The following CACNA1E variants were observed in gnomAD, a reference collection of about 807,000 sequenced individuals.
CACNA1E encodes calcium voltage-gated channel subunit alpha1 E.
A neutral mutation model predicts 259.2 loss-of-function variants in CACNA1E; 40 were observed. The observed-to-expected ratio is 0.15, with a 90% CI of 0.12 to 0.20. CACNA1E has a LOEUF of 0.20. Ranked by LOEUF, CACNA1E falls within the 10% of genes least tolerant of loss-of-function variation. The probability of loss-of-function intolerance (pLI) is 1.00; values close to 1 mark genes in which losing one functional copy is unlikely to be tolerated. For missense variants in CACNA1E, 1,874 were observed against 3,040.1 expected, an observed-to-expected ratio of 0.62 and a Z score of 9.02; for synonymous variants, 1,104 against 1,138.5, an observed-to-expected ratio of 0.97 and a Z score of 0.61.
intron 7 of CACNA1E, among the ~76,000 whole-genome samples, chr1:181,661,709 T>C (rs1421840286): frequency 6.6e-6 from 1 of 152,198 alleles, no homozygotes; most frequent in Non-Finnish European, 1.5e-5. Flanking sequence ...TCAAGCATTG[T>C]GCCAATCACA....
At position 181,437,276 on chromosome 1, in the gene CACNA1E, A is replaced by C. The variant is rs534629573; in HGVS notation, c.434+23696A>C. 2.6e-5 allele frequency among the ~76,000 whole-genome samples: 4 copies of C among 152,032 alleles called. No homozygotes were observed. In the South Asian group the frequency reaches 8.3e-4, roughly 32 times the overall value. On this transcript the variant is annotated intron_variant, in intron 2 of 11. Coordinates refer to the CACNA1E transcript ENST00000524607. ...ATTTTCCACATTTGCTCTTGATCTCATTCTTTCTTTTTTCTGTGCTATAAA... is the reference window on the plus strand; with the variant it reads ...ATTTTCCACATTTGCTCTTGATCTCCTTCTTTCTTTTTTCTGTGCTATAAA...
intron 1 of CACNA1E, among the ~76,000 whole-genome samples, chr1:181,352,301 G>A (rs1483749161): frequency 6.6e-6 from 1 of 152,096 alleles, no homozygotes; most frequent in Admixed American, 6.6e-5. Flanking sequence ...GGGAAATGAC[G>A]GCATCCAAGT....
intron 3 of CACNA1E, among the ~76,000 whole-genome samples, chr1:181,539,197 C>T (rs892479553): frequency 3.3e-5 from 5 of 152,160 alleles, no homozygotes; most frequent in African/African-American, 1.2e-4. Flanking sequence ...TTCCGTTACT[C>T]GTTGACTAGG....
At chr1:181,468,639 G>A (rs1662300949) in intron 2 of CACNA1E, among the ~76,000 whole-genome samples, 1 of 152,208 alleles carries the variant, frequency 6.6e-6, no homozygotes, top group South Asian at 2.1e-4. Flanking sequence ...CACAGTATCT[G>A]AGGCAGGGTG....
rs989841242 is a variant in CACNA1E at position 181,801,405 on chromosome 1, A to C, written c.*2571A>C. On this transcript the variant is annotated 3_prime_UTR_variant, in exon 48 of 48. Transcript: ENST00000367573. The stretch of plus-strand genomic sequence containing the variant: ...ACACAGGTATTTGAGTCCTGAATAA[A>C]GTGTTGGAAAGCACTGCAGATGCGG... 1 of 152,200 alleles carries C rather than the reference A, an allele frequency of 6.6e-6. No homozygotes were observed. The highest frequency in any genetic ancestry group is 2.1e-4 in the South Asian group (1 of 4,828). 9.4% of individuals were successfully genotyped at this position (152,200 alleles called of 1,614,324 possible).
chr1:181,719,559 G>A (rs550155700), intron 12 of CACNA1E, among the ~76,000 whole-genome samples, 192 bp from the exon 13 acceptor site: 1 of 152,306 alleles, frequency 6.6e-6, no homozygotes, highest in Non-Finnish European at 1.5e-5. Flanking sequence ...GTTAGGAAGG[G>A]GATTGGAGAG....
At chr1:181,467,678 A>T (rs1380186125) in intron 2 of CACNA1E, among the ~76,000 whole-genome samples, 3 of 152,146 alleles carry the variant, frequency 2.0e-5, no homozygotes, top group Non-Finnish European at 2.9e-5. Context: ...AAAGGCTGTG[A>T]CTTACTAGAT....
At chr1:181,334,210 G>A (rs1300955885) in intron 1 of CACNA1E, among the ~76,000 whole-genome samples, 2 of 152,268 alleles carry the variant, frequency 1.3e-5, no homozygotes, top group East Asian at 3.9e-4. Context: ...TGGCTTTCAG[G>A]ACACGCCCTC....
In CACNA1E at chr1:181,732,065, G is replaced by A. The variant is rs1212225581; in HGVS notation, c.2298-319G>A. On this transcript the variant is annotated intron_variant, in intron 19 of 47. Transcript: ENST00000367573. This position sits in a 1 kb window ranked among gnomAD's most constrained non-coding sequence, Gnocchi z 5.5. The stretch of plus-strand genomic sequence containing the variant: ...GCAAGGAGAGCAGGGGAGTGAAGAC[G>A]TGGTAAGCCTGTGGATGGCTGCCCC... 6.6e-6 allele frequency among the ~76,000 whole-genome samples: 1 copy of A among 151,872 alleles called. No individual in the cohort carries two copies. Among genetic ancestry groups the A allele is most frequent in the Non-Finnish European group, 1.5e-5 (1 of 67,994 alleles).
intron 6 of CACNA1E, among the ~76,000 whole-genome samples, chr1:181,591,728 G>C (rs1652670946): frequency 6.6e-6 from 1 of 152,134 alleles, no homozygotes; most frequent in Non-Finnish European, 1.5e-5. Context: ...TACTATCTAT[G>C]TGACTTTGGC....
In CACNA1E at chr1:181,427,455, C is replaced by T. The variant is rs111556661; in HGVS notation, c.434+13875C>T. On this transcript the variant is annotated intron_variant, in intron 2 of 11. Transcript: ENST00000524607. ...TCCCTCATCTCAGCCTCTTCCTCAT[C>T]CTAACCCCTCCCACCTCAACCCTTC... Among the ~76,000 whole-genome samples the T allele has an allele frequency of 4.9e-3, 723 of 147,478 alleles. 3 individuals carry two copies. Among genetic ancestry groups the T allele is most frequent in the African/African-American group, 0.016 (634 of 39,924 alleles).
chr1:181,524,161 G>C (rs1378343130), intron 3 of CACNA1E, among the ~76,000 whole-genome samples: 4 of 152,212 alleles, frequency 2.6e-5, no homozygotes, highest in Non-Finnish European at 4.4e-5. Flanking sequence ...TTCATAAAGT[G>C]AGAGGGCTTA....
chr1:181,757,694 A>G (rs910572196), intron 30 of CACNA1E, among the ~76,000 whole-genome samples: 4 of 152,220 alleles, frequency 2.6e-5, no homozygotes, highest in Admixed American at 2.6e-4. Context: ...CAGCTCAGCC[A>G]CATGCTGTGT....
At chr1:181,387,293 G>GGT (rs1409026740) in intron 1 of CACNA1E, among the ~76,000 whole-genome samples, 1 of 152,188 alleles carries the variant, frequency 6.6e-6, no homozygotes, top group Non-Finnish European at 1.5e-5. Flanking sequence ...GCTTTACAGT[G>GGT]ACAGCGAGCT....
chr1:181,533,917 C>A (rs1215964822), intron 3 of CACNA1E, among the ~76,000 whole-genome samples: 1 of 151,962 alleles, frequency 6.6e-6, no homozygotes, highest in Non-Finnish European at 1.5e-5. Context: ...ATCCAGCAAT[C>A]GTGTAAAAGT....
intron 2 of CACNA1E, among the ~76,000 whole-genome samples, chr1:181,413,990 ATCC>A (rs1658075699): frequency 6.6e-6 from 1 of 152,200 alleles, no homozygotes; most frequent in African/African-American, 2.4e-5. Context: ...CCTTTTTAAT[ATCC>A]TCCTTGGATG....
intron 1 of CACNA1E, among the ~76,000 whole-genome samples, chr1:181,376,935 G>A (rs775437807): frequency 8.5e-5 from 13 of 152,144 alleles, no homozygotes; most frequent in Non-Finnish European, 1.6e-4. Context: ...CCTACCATTT[G>A]CATGATGAGG....
chr1:181,488,063 C>T lies in CACNA1E; in HGVS notation c.266+4053C>T, dbSNP rs200107242. ...TCACTGTATCCCCAAAGCACTCTGG[C>T]TATGGATCAGAGGTTGTATGCTTTA... On this transcript the variant is annotated intron_variant, in intron 1 of 47. Coordinates refer to ENST00000367573, the MANE Select transcript of CACNA1E (RefSeq NM_001205293.3). Among the ~76,000 whole-genome samples, 14 of 152,296 alleles carry T rather than the reference C, an allele frequency of 9.2e-5. No homozygotes were observed. In the East Asian group the frequency reaches 2.5e-3, roughly 27 times the overall value.
At chr1:181,769,410 G>GACTT (rs1270250362) in intron 35 of CACNA1E, among the ~76,000 whole-genome samples, 2 of 147,088 alleles carry the variant, frequency 1.4e-5, no homozygotes, top group Admixed American at 6.8e-5. Context: ...ATGTGTTTTT[G>GACTT]ACTTAAATTA....
Sources: gnomAD v4.1 joint callset for allele counts (sites outside exome capture counted in the v4.1 genomes callset) on GRCh38, gnomAD v4.1.1 for gene constraint, Gnocchi (gnomAD v3.1) non-coding constraint, MANE v1.5 for transcripts, NCBI Gene and HGNC (gene_info 2026-07-23, HGNC 2026-07-21) for gene names.